Variants in SMPDL3B observed in about 807,000 individuals in gnomAD.
SMPDL3B encodes the protein acid sphingomyelinase-like phosphodiesterase 3b.
Under a neutral mutation model 37.9 loss-of-function variants are expected in SMPDL3B, and 31 were observed. That is an observed-to-expected ratio of 0.82 (90% confidence interval 0.61 to 1.10). SMPDL3B has a LOEUF of 1.10. Among genes scored for constraint, SMPDL3B ranks in the 50% least tolerant of loss-of-function variants. The probability of loss-of-function intolerance (pLI) is 0.00; values close to 1 mark genes in which losing one functional copy is unlikely to be tolerated. For synonymous variants in SMPDL3B, 235 were observed against 242.6 expected (o/e 0.97, Z 0.29); for missense variants, 525 against 597.8 (o/e 0.88, Z 1.27).
Position 27,955,947 on chromosome 1 carries a change from A to T in SMPDL3B, c.872-2A>T, listed in dbSNP as rs752848945. ...TCAGTCCTGCTGTCTCTCTCCTGAC[A>T]GGTGTCCCCATAAGCGCCATGTTCA... is the stretch of plus-strand genomic sequence containing the variant. On this transcript the variant is annotated splice_acceptor_variant, in intron 6 of 7. Coordinates refer to ENST00000373894, the MANE Select transcript of SMPDL3B (RefSeq NM_014474.4). LOFTEE classifies it high-confidence loss of function. 6.2e-7 allele frequency: 1 copy of T among 1,613,956 alleles called. No homozygotes were observed. Among genetic ancestry groups the T allele is most frequent in the Admixed American group, 1.7e-5 (1 of 60,008 alleles).
chr1:27,935,911 G>A (rs768685153), intron 1 of SMPDL3B, among the ~76,000 whole-genome samples: 3 of 152,176 alleles, frequency 2.0e-5, no homozygotes, highest in South Asian at 2.1e-4. Flanking sequence ...TGTGCATGAG[G>A]AACAGCAAGG....
rs149307994 is a variant in SMPDL3B at position 27,946,852 on chromosome 1, A to G, written c.275+1407A>G. ...AGAAGACATGTGACATTGTCTCAGG[A>G]GGGGCCTGGACAGCTCTGGCTTCCT... is the stretch of plus-strand genomic sequence containing the variant. On this transcript the variant is annotated intron_variant, in intron 2 of 7. Transcript: ENST00000373894. Among the ~76,000 whole-genome samples the G allele has an allele frequency of 5.1e-3, 775 of 152,214 alleles. 4 individuals are homozygous for G. The highest frequency in any genetic ancestry group is 7.0e-3 in the Non-Finnish European group (474 of 68,028).
At position 27,959,069 on chromosome 1, in the gene SMPDL3B, A is replaced by T. The variant is rs1235293792; in HGVS notation, c.*231A>T. 9.2e-6 allele frequency: 5 copies of T among 543,774 alleles called. No homozygotes were observed. In the African/African-American group the frequency reaches 9.4e-5, roughly 10 times the overall value. 33.7% of individuals were successfully genotyped at this position (543,774 alleles called of 1,614,324 possible). A position where few individuals can be genotyped will look rare whatever the true frequency, so the allele number is the denominator to read the frequency against. ...AAAAACAAACCAGAAACAGAAAAGA[A>T]ATGACGACCCAAGACCCCCCTACAA... On this transcript the variant is annotated 3_prime_UTR_variant, in exon 8 of 8. Transcript: ENST00000373894.
chr1:27,942,674 T>G (rs199913002), intron 1 of SMPDL3B, among the ~76,000 whole-genome samples: 4 of 144,230 alleles, frequency 2.8e-5, no homozygotes, highest in South Asian at 2.2e-4. Context: ...TGTTGTTGTG[T>G]TTTTTTTTGA....
chr1:27,953,009 G>A (rs556916775), intron 3 of SMPDL3B, among the ~76,000 whole-genome samples: 1 of 152,324 alleles, frequency 6.6e-6, no homozygotes, highest in East Asian at 1.9e-4. Context: ...TAGGGACTGT[G>A]ATGAAAGAAC....
rs1209784510 is a variant in SMPDL3B, at chr1:27,948,880, A to C, written c.276-185A>C. 2.4e-5 allele frequency: 27 copies of C among 1,134,422 alleles called. No homozygotes were observed. In the South Asian group the frequency reaches 3.3e-4, roughly 14 times the overall value. The allele number at this position is 1,134,422 out of a possible 1,614,324, so 70.3% of individuals were successfully genotyped here. A position where few individuals can be genotyped will look rare whatever the true frequency, so the allele number is the denominator to read the frequency against. ...AGCCAATCAAGGGACCCACAGCAGG[A>C]AAATGGCAAAGCCTAGTTCTCAGCT... On this transcript the variant is annotated intron_variant, in intron 2 of 7. Transcript: ENST00000373894.
At position 27,945,413 on chromosome 1, in the gene SMPDL3B, T is replaced by A. The variant is rs1263461968; in HGVS notation, c.243T>A (p.Ile81=). The stretch of plus-strand genomic sequence containing the variant: ...CCTCCATCTATGCCATGAAGGAGAT[T>A]GAGCCAGAGCCAGACTTCATTCTCT... ...INSSIYAMKE[I]EPEPDFILWT... The change falls in exon 2 of 8, where the codon ATT becomes ATA. Residue 81 remains isoleucine, a synonymous_variant. Transcript: ENST00000373894. This position sits in a 1 kb window ranked among gnomAD's most constrained non-coding sequence, Gnocchi z 4.0. The A allele has an allele frequency of 6.2e-7, 1 of 1,614,038 alleles. No homozygotes were observed. Among genetic ancestry groups the A allele is most frequent in the Admixed American group, 1.7e-5 (1 of 60,004 alleles).
chr1:27,958,660 C>G lies in SMPDL3B; in HGVS notation c.1190C>G (p.Ser397Ter). 3 of 1,614,030 alleles carry G rather than the reference C, an allele frequency of 1.9e-6. No homozygotes were observed. The Middle Eastern group carries it at 4.9e-4, about 266-fold the overall frequency. The change falls in exon 8 of 8, where the codon TCA becomes TGA. Residue 397 changes from serine (S) to a stop codon, truncating the protein, a stop_gained. Transcript: ENST00000373894. LOFTEE classifies it low-confidence loss of function (END_TRUNC). This position sits in a 1 kb window ranked among gnomAD's most constrained non-coding sequence, Gnocchi z 5.6. ...CTGCAGCGCTACTACGTCTATAACT[C>G]AGTCAGCTACTCTGCTGGGGTCTGC... is the stretch of plus-strand genomic sequence containing the variant. ...STLQRYYVYNSVSYSAGVCDE... is the reference protein window; with the variant it reads ...STLQRYYVYN
intron 2 of SMPDL3B, among the ~76,000 whole-genome samples, chr1:27,947,832 C>T (rs532496747): frequency 6.6e-5 from 10 of 151,812 alleles, no homozygotes; most frequent in African/African-American, 2.2e-4. Context: ...CCGCCTGCCT[C>T]GGCCTCCCCA....
intron 1 of SMPDL3B, chr1:27,941,451 G>A (rs2090358139): frequency 6.6e-6 from 1 of 152,248 alleles, no homozygotes; most frequent in African/African-American, 2.4e-5. Context: ...ATGTGCATTT[G>A]CACGTCTTCC....
chr1:27,952,478 C>T (rs1242758495), intron 3 of SMPDL3B, among the ~76,000 whole-genome samples: 1 of 152,160 alleles, frequency 6.6e-6, no homozygotes, highest in Non-Finnish European at 1.5e-5. Context: ...TTATTGAGCA[C>T]CGATTAGGTG....
intron 1 of SMPDL3B, among the ~76,000 whole-genome samples, chr1:27,940,346 G>C (rs968191756): frequency 4.6e-5 from 7 of 152,186 alleles, no homozygotes; most frequent in African/African-American, 1.7e-4. Flanking sequence ...TGGGTAGAAC[G>C]TGGCCACTCC....
At chr1:27,956,744 G>C (rs748517696) in intron 7 of SMPDL3B, among the ~76,000 whole-genome samples, 1 of 152,162 alleles carries the variant, frequency 6.6e-6, no homozygotes, top group Non-Finnish European at 1.5e-5. Context: ...TACAGGAGAG[G>C]GACAATAAAT....
In SMPDL3B at chr1:27,958,505, C is replaced by T; in HGVS notation, c.1035C>T (p.Ser345=). 6.2e-7 allele frequency: 1 copy of T among 1,609,364 alleles called. No homozygotes were observed. Among genetic ancestry groups the T allele is most frequent in the Admixed American group, 1.7e-5 (1 of 59,902 alleles). ...KDMVTYFMNL[S]QANAQGTPRW... ...TGGTGACCTACTTCATGAACCTGAG[C>T]CAGGCGAATGCTCAGGGGACGCCGC... The change falls in exon 8 of 8, where the codon AGC becomes AGT. Residue 345 remains serine (S), a synonymous_variant. Transcript: ENST00000373894. This position sits in a 1 kb window ranked among gnomAD's most constrained non-coding sequence, Gnocchi z 5.6.
At chr1:27,952,874 C>T (rs149673407) in intron 3 of SMPDL3B, among the ~76,000 whole-genome samples, 40 of 152,328 alleles carry the variant, frequency 2.6e-4, no homozygotes, top group African/African-American at 9.6e-4. Flanking sequence ...CTGGAATCAA[C>T]AGGAATTGGG....
chr1:27,944,731 CT>C (rs796904879), intron 1 of SMPDL3B, among the ~76,000 whole-genome samples: 5,858 of 137,392 alleles, frequency 0.043, 269 homozygotes, highest in African/African-American at 0.13. Flanking sequence ...AGACTTTTTT[CT>C]TTTTTTTTTT....
At chr1:27,954,041 T>C (rs2090477229) in intron 4 of SMPDL3B, among the ~76,000 whole-genome samples, 1 of 152,244 alleles carries the variant, frequency 6.6e-6, no homozygotes, top group Non-Finnish European at 1.5e-5. Context: ...AGCTGAGCAG[T>C]GAAGGGTCGA....
In SMPDL3B at chr1:27,936,451, C is replaced by CA. The variant is rs900566024; in HGVS notation, c.61+1219dup. 1,077 of 127,486 alleles carry CA rather than the reference C, an allele frequency of 8.4e-3. 11 individuals carry two copies. The highest frequency in any genetic ancestry group is 0.023 in the African/African-American group (802 of 34,402). The allele number at this position is 127,486 out of a possible 1,614,324, so 7.9% of individuals were successfully genotyped here. A position where few individuals can be genotyped will look rare whatever the true frequency, so the allele number is the denominator to read the frequency against. ...CTGGGTGACGGGAATGAGACCATCT[C>CA]AAAAAAAAAAAAGAAAATGAAAGAA... On this transcript the variant is annotated intron_variant, in intron 1 of 7. Transcript: ENST00000373894.
At chr1:27,943,462 G>A (rs1166180876) in intron 1 of SMPDL3B, among the ~76,000 whole-genome samples, 2 of 152,136 alleles carry the variant, frequency 1.3e-5, no homozygotes, top group African/African-American at 4.8e-5. Flanking sequence ...ATGTCCTGTG[G>A]CCTGGGTGGG....
Sources: allele counts gnomAD v4.1 joint callset (sites outside exome capture counted in the v4.1 genomes callset), GRCh38; gene constraint gnomAD v4.1.1; non-coding constraint Gnocchi (gnomAD v3.1); transcripts MANE v1.5; gene names NCBI Gene and HGNC (gene_info 2026-07-23, HGNC 2026-07-21).